Variants in GNAQ observed in about 807,000 individuals in gnomAD.
The protein encoded by GNAQ is guanine nucleotide-binding protein G(q) subunit alpha.
GNAQ carries 8 observed loss-of-function variants against 43.9 expected under a neutral mutation model. The ratio of observed to expected loss-of-function variants is 0.18; its 90% confidence interval spans 0.11 to 0.33. The LOEUF (loss-of-function observed/expected upper bound fraction) is 0.33. GNAQ is among the 10% of genes least tolerant of loss of function. GNAQ has a pLI of 1.00. For missense variants in GNAQ, 158 were observed against 450.8 expected (o/e 0.35, Z 5.88); for synonymous variants, 155 against 170.7 (o/e 0.91, Z 0.71).
At chr9:77,786,252 C>T (rs564991410) in intron 5 of GNAQ, among the ~76,000 whole-genome samples, 1 of 151,498 alleles carries the variant, frequency 6.6e-6, no homozygotes, top group African/African-American at 2.4e-5. Context: ...GTGGCGGGTG[C>T]CTGTAGTCCC....
chr9:77,921,306 C>T (rs901041417), intron 2 of GNAQ, among the ~76,000 whole-genome samples: 1 of 152,226 alleles, frequency 6.6e-6, no homozygotes, highest in Non-Finnish European at 1.5e-5. Context: ...TCAGCACAGA[C>T]AGTCACACCC....
chr9:77,784,607 G>A (rs1241134459), intron 5 of GNAQ, among the ~76,000 whole-genome samples: 2 of 152,086 alleles, frequency 1.3e-5, no homozygotes, highest in Non-Finnish European at 2.9e-5. Flanking sequence ...CAATTGGGGG[G>A]AAAGATTCCT....
intron 5 of GNAQ, among the ~76,000 whole-genome samples, chr9:77,762,502 C>G (rs866442073): frequency 6.9e-6 from 1 of 145,554 alleles, no homozygotes; most frequent in South Asian, 2.2e-4. Context: ...CCTGGCCAGC[C>G]GCCCCACCTG....
At chr9:77,753,717 T>C (rs1825854236) in intron 5 of GNAQ, among the ~76,000 whole-genome samples, 1 of 152,194 alleles carries the variant, frequency 6.6e-6, no homozygotes, top group African/African-American at 2.4e-5. Context: ...AAATACTAAT[T>C]TGGTATCTAC....
chr9:77,795,953 T>C (rs1236447946), intron 4 of GNAQ, among the ~76,000 whole-genome samples: 3 of 152,246 alleles, frequency 2.0e-5, no homozygotes, highest in African/African-American at 7.2e-5. Context: ...AATCCACTAA[T>C]TGCGAAGCAA....
intron 5 of GNAQ, among the ~76,000 whole-genome samples, chr9:77,779,219 G>C (rs1211916521): frequency 6.6e-6 from 1 of 151,858 alleles, no homozygotes; most frequent in Non-Finnish European, 1.5e-5. Flanking sequence ...TACAACGTCT[G>C]TTTTCATACC....
At chr9:77,782,406 A>G (rs562031811) in intron 5 of GNAQ, among the ~76,000 whole-genome samples, 18 of 152,344 alleles carry the variant, frequency 1.2e-4, no homozygotes, top group African/African-American at 4.3e-4. Context: ...GTTCTGTATC[A>G]TAAGTCATTA....
intron 1 of GNAQ, among the ~76,000 whole-genome samples, chr9:77,946,696 C>T (rs1307739106): frequency 2.0e-5 from 3 of 152,220 alleles, no homozygotes; most frequent in Admixed American, 6.5e-5. Flanking sequence ...TTATTTTACA[C>T]AATAACAGTG....
At chr9:77,750,694 C>G (rs187144084) in intron 5 of GNAQ, among the ~76,000 whole-genome samples, 8 of 152,098 alleles carry the variant, frequency 5.3e-5, no homozygotes, top group Non-Finnish European at 1.0e-4. Context: ...CCTGAAATCA[C>G]GTATGGCTTG....
intron 2 of GNAQ, among the ~76,000 whole-genome samples, chr9:77,868,725 G>A (rs1827988178): frequency 6.6e-6 from 1 of 152,178 alleles, no homozygotes; most frequent in South Asian, 2.1e-4. Context: ...AACCCGGGAG[G>A]CAGAGATTGC....
chr9:77,770,164 C>T (rs979870365), intron 5 of GNAQ, among the ~76,000 whole-genome samples: 2 of 151,680 alleles, frequency 1.3e-5, no homozygotes, highest in Admixed American at 1.3e-4. Context: ...TTCAGGGTTT[C>T]GAGGGTTATA....
In GNAQ at chr9:77,821,845, GAA is replaced by G. The variant is rs546567368; in HGVS notation, c.322-6077_322-6076del. ...AAGTCACAGTTGATTTAAAAAAATTGAAAAGAGAGATTAAAGATATGCATATT... is the reference window on the plus strand; with the variant it reads ...AAGTCACAGTTGATTTAAAAAAATTGAAGAGAGATTAAAGATATGCATATT... On this transcript the variant is annotated intron_variant, in intron 2 of 6. Coordinates refer to ENST00000286548, the MANE Select transcript of GNAQ (RefSeq NM_002072.5). Among the ~76,000 whole-genome samples the G allele has an allele frequency of 1.5e-3, 225 of 151,688 alleles. 2 individuals are homozygous for G. Among genetic ancestry groups the G allele is most frequent in the Middle Eastern group, 0.01 (3 of 294 alleles).
At chr9:77,843,026 C>A (rs1827517174) in intron 2 of GNAQ, among the ~76,000 whole-genome samples, 1 of 152,132 alleles carries the variant, frequency 6.6e-6, no homozygotes, top group Non-Finnish European at 1.5e-5. Context: ...TAAAAGAACA[C>A]ACAGACTAAG....
Position 77,728,671 on chromosome 9 carries a change from G to GGA in GNAQ, c.736-5_736-4insTC. 2.3e-6 allele frequency: 3 copies of GGA among 1,328,544 alleles called. No homozygotes were observed. The highest frequency in any genetic ancestry group is 3.1e-6 in the Non-Finnish European group (3 of 967,168). 82.3% of individuals were successfully genotyped at this position (1,328,544 alleles called of 1,614,324 possible). A position where few individuals can be genotyped will look rare whatever the true frequency, so the allele number is the denominator to read the frequency against. ...CCTTGCTTTCCTCCATTCGGTTCTG[G>GGA]AAAAAAAAAAAAAATCAGAAAAAAC... On this transcript the variant is annotated splice_polypyrimidine_tract_variant and splice_region_variant and intron_variant, in intron 5 of 6. Transcript: ENST00000286548.
chr9:77,810,956 G>T (rs1587927166), intron 3 of GNAQ, among the ~76,000 whole-genome samples: 1 of 152,198 alleles, frequency 6.6e-6, no homozygotes, highest in South Asian at 2.1e-4. Context: ...GAGTTCATCA[G>T]AGAGAAAAGA....
At chr9:77,749,397 A>G (rs1825778544) in intron 5 of GNAQ, among the ~76,000 whole-genome samples, 2 of 152,322 alleles carry the variant, frequency 1.3e-5, no homozygotes, top group Admixed American at 1.3e-4. Context: ...TTATTCAGGA[A>G]AACAGGCAGA....
intron 1 of GNAQ, among the ~76,000 whole-genome samples, chr9:77,977,634 T>C (rs745942598): frequency 2.0e-5 from 3 of 152,180 alleles, no homozygotes; most frequent in Admixed American, 6.5e-5. Context: ...AGAATGGCCA[T>C]GGCATCCCAG....
intron 1 of GNAQ, among the ~76,000 whole-genome samples, chr9:77,947,704 G>T (rs920943651): frequency 5.9e-5 from 9 of 152,188 alleles, no homozygotes; most frequent in African/African-American, 2.2e-4. Flanking sequence ...GCTTGACTGT[G>T]CATTCGAATG....
chr9:77,743,956 T>C (rs1261231003), intron 5 of GNAQ, among the ~76,000 whole-genome samples: 1 of 152,216 alleles, frequency 6.6e-6, no homozygotes, highest in Non-Finnish European at 1.5e-5. Context: ...CAGATTTATA[T>C]ATTTCCTCTG....
Sources: gnomAD v4.1 joint callset for allele counts (sites outside exome capture counted in the v4.1 genomes callset) on GRCh38, gnomAD v4.1.1 for gene constraint, MANE v1.5 for transcripts, NCBI Gene and HGNC (gene_info 2026-07-23, HGNC 2026-07-21) for gene names.